EMCN: variants seen among roughly 807,000 people sequenced by gnomAD.
EMCN encodes the protein MUC-14.
Under a neutral mutation model 38.4 loss-of-function variants are expected in EMCN, and 37 were observed. The ratio of observed to expected loss-of-function variants is 0.96; its 90% confidence interval spans 0.74 to 1.27. EMCN has a LOEUF of 1.27. Among genes scored for constraint, EMCN ranks in the 50% most tolerant of loss-of-function variants. The pLI, the probability that EMCN is intolerant of heterozygous loss-of-function variation, is 0.00. For synonymous variants in EMCN, 95 were observed against 100.8 expected, an observed-to-expected ratio of 0.94 and a Z score of 0.35; for missense variants, 318 against 302.8, an observed-to-expected ratio of 1.05 and a Z score of -0.37.
chr4:100,470,213 A>G (rs1728437103), intron 3 of EMCN, among the ~76,000 whole-genome samples: 1 of 151,594 alleles, frequency 6.6e-6, no homozygotes, highest in African/African-American at 2.4e-5. Context: ...CCCATGCCCA[A>G]TAACATGGGC....
intron 1 of EMCN, among the ~76,000 whole-genome samples, chr4:100,509,375 A>G (rs1238385538): frequency 6.6e-6 from 1 of 152,226 alleles, no homozygotes; most frequent in Non-Finnish European, 1.5e-5. Context: ...TAATGCAATT[A>G]GTTAATAAAT....
chr4:100,433,466 A>G (rs1727258466), intron 5 of EMCN, among the ~76,000 whole-genome samples: 1 of 152,052 alleles, frequency 6.6e-6, no homozygotes, highest in Non-Finnish European at 1.5e-5. Context: ...GCCCAGAAAA[A>G]GGGATTGATT....
At chr4:100,512,096 C>T (rs1453909460) in intron 1 of EMCN, among the ~76,000 whole-genome samples, 3 of 152,236 alleles carry the variant, frequency 2.0e-5, no homozygotes, top group Non-Finnish European at 4.4e-5. Context: ...AGGTTACACC[C>T]GTGCGTAGCT....
Position 100,457,205 on chromosome 4 carries a change from TGTGTGTGTGTGC to T in EMCN, c.376+8206_376+8217del, listed in dbSNP as rs1368720006. ...TATAGTTTGGTTGTGTGTGTGTGTGTGTGTGTGTGTGCGATCATTAGTTTCTATTAATAAGAT... is the reference window on the plus strand; with the variant it reads ...TATAGTTTGGTTGTGTGTGTGTGTGTGATCATTAGTTTCTATTAATAAGAT... On this transcript the variant is annotated intron_variant, in intron 4 of 11. Coordinates refer to ENST00000296420, the MANE Select transcript of EMCN (RefSeq NM_016242.4). Among the ~76,000 whole-genome samples, 695 of 100,952 alleles carry T rather than the reference TGTGTGTGTGTGC, an allele frequency of 6.9e-3. 6 individuals are homozygous for T. Among genetic ancestry groups the T allele is most frequent in the African/African-American group, 0.025 (661 of 26,138 alleles). 66.2% of individuals were successfully genotyped at this position (100,952 alleles called of 152,430 possible).
chr4:100,428,050 T>G (rs1727098911), intron 5 of EMCN, among the ~76,000 whole-genome samples: 1 of 79,684 alleles, frequency 1.3e-5, no homozygotes, highest in African/African-American at 7.7e-5. Flanking sequence ...TTCTCTCTCC[T>G]ATATCCTTTC....
At chr4:100,464,089 G>C (rs892944803) in intron 4 of EMCN, among the ~76,000 whole-genome samples, 1 of 151,746 alleles carries the variant, frequency 6.6e-6, no homozygotes, top group African/African-American at 2.4e-5. Flanking sequence ...CACCAAAATA[G>C]TTTATAGTTT....
chr4:100,460,927 G>A (rs1012943192), intron 4 of EMCN, among the ~76,000 whole-genome samples: 2 of 152,060 alleles, frequency 1.3e-5, no homozygotes, highest in Non-Finnish European at 2.9e-5. Context: ...TACAATTTAG[G>A]TCTTTTGAAA....
chr4:100,453,785 A>G, intron 4 of EMCN, among the ~76,000 whole-genome samples: 1 of 152,130 alleles, frequency 6.6e-6, no homozygotes, highest in African/African-American at 2.4e-5. Context: ...ATGTCCAACA[A>G]TGATAGACTG....
intron 3 of EMCN, among the ~76,000 whole-genome samples, chr4:100,474,641 C>T (rs903375589): frequency 1.3e-5 from 2 of 152,056 alleles, no homozygotes; most frequent in African/African-American, 4.8e-5. Flanking sequence ...TGTGGTATAT[C>T]CATACAATGC....
Position 100,396,540 on chromosome 4 carries a change from C to CTTTTTTTTTTTT in EMCN, c.*1861_*1872dup, listed in dbSNP as rs71594584. On this transcript the variant is annotated 3_prime_UTR_variant, in exon 12 of 12. Coordinates refer to ENST00000296420, the MANE Select transcript of EMCN (RefSeq NM_016242.4). ...GGACTTTCTTTCTTTCTTTTTTTTC[C>CTTTTTTTTTTTT]TTTTTTTTTTTTTTTTTTTTGAGAC... 1 of 99,616 alleles carries CTTTTTTTTTTTT rather than the reference C, an allele frequency of 1.0e-5. No homozygotes were observed. The highest frequency in any genetic ancestry group is 4.1e-5 in the African/African-American group (1 of 24,536). The allele number at this position is 99,616 out of a possible 1,614,324, so 6.2% of individuals were successfully genotyped here.
chr4:100,499,991 A>G (rs1386283999), intron 1 of EMCN, among the ~76,000 whole-genome samples: 1 of 152,178 alleles, frequency 6.6e-6, no homozygotes, highest in African/African-American at 2.4e-5. Context: ...TTAAAGCTTA[A>G]AAGTGTAAAG....
chr4:100,494,384 GAC>G (rs920339634), intron 1 of EMCN, among the ~76,000 whole-genome samples: 29 of 152,254 alleles, frequency 1.9e-4, no homozygotes, highest in African/African-American at 7.0e-4. Context: ...ATAGGCAACA[GAC>G]ACAGTTTCAG....
At chr4:100,419,295 T>G (rs1247149412) in intron 8 of EMCN, among the ~76,000 whole-genome samples, 1 of 152,088 alleles carries the variant, frequency 6.6e-6, no homozygotes, top group Non-Finnish European at 1.5e-5. Context: ...CTAGATAAAG[T>G]CTCTCCCACA....
intron 11 of EMCN, among the ~76,000 whole-genome samples, chr4:100,401,494 A>T (rs1280696505): frequency 1.3e-5 from 2 of 152,122 alleles, no homozygotes; most frequent in Non-Finnish European, 2.9e-5. Flanking sequence ...TTTGAAATCA[A>T]TCTTCCACCT....
chr4:100,476,162 T>TCC (rs1298324849), intron 2 of EMCN, among the ~76,000 whole-genome samples: 2 of 147,638 alleles, frequency 1.4e-5, no homozygotes, highest in African/African-American at 5.2e-5. Flanking sequence ...TAATGGTCTT[T>TCC]CTCCCTCCCT....
intron 5 of EMCN, among the ~76,000 whole-genome samples, chr4:100,439,543 G>A (rs1193248987): frequency 6.7e-6 from 1 of 149,558 alleles, no homozygotes; most frequent in Non-Finnish European, 1.5e-5. Context: ...ATTTAGACCA[G>A]CTAAAGGTTT....
chr4:100,483,589 G>A (rs952197590), intron 1 of EMCN: 7 of 151,962 alleles, frequency 4.6e-5, no homozygotes, highest in African/African-American at 1.7e-4. Flanking sequence ...TAGACTTCAA[G>A]CTTCAAAGGA....
chr4:100,482,580 A>T (rs141659987), intron 1 of EMCN, among the ~76,000 whole-genome samples: 52 of 152,218 alleles, frequency 3.4e-4, no homozygotes, highest in South Asian at 2.1e-4. Context: ...TACTGCAAAC[A>T]GTTCTGTCTA....
intron 1 of EMCN, among the ~76,000 whole-genome samples, chr4:100,504,491 T>C (rs1729428342): frequency 6.6e-6 from 1 of 152,222 alleles, no homozygotes; most frequent in Non-Finnish European, 1.5e-5. Flanking sequence ...TCATTAATCA[T>C]TAGTTTGTAG....
Sources: allele counts gnomAD v4.1 joint callset (sites outside exome capture counted in the v4.1 genomes callset), GRCh38; gene constraint gnomAD v4.1.1; transcripts MANE v1.5; gene names NCBI Gene and HGNC (gene_info 2026-07-23, HGNC 2026-07-21).